Variants in ATP7B observed in about 807,000 individuals in gnomAD.
The protein encoded by ATP7B is ATPase copper transporting beta, also known as copper-transporting ATPase 2.
Under a neutral mutation model 118.9 loss-of-function variants are expected in ATP7B, and 113 were observed. The observed-to-expected ratio is 0.95, with a 90% CI of 0.82 to 1.11. The LOEUF is 1.11. ATP7B is among the 50% of genes most tolerant of loss of function. The probability of loss-of-function intolerance (pLI) is 0.00; values close to 1 mark genes in which losing one functional copy is unlikely to be tolerated. For synonymous variants in ATP7B, 777 were observed against 727.4 expected, an observed-to-expected ratio of 1.07 and a Z score of -1.10; for missense variants, 1,867 against 1,871.4, an observed-to-expected ratio of 1.00 and a Z score of 0.04.
At position 51,974,469 on chromosome 13, in the gene ATP7B, G is replaced by T; in HGVS notation, c.751C>A (p.His251Asn). 6.2e-7 allele frequency: 1 copy of T among 1,614,066 alleles called. No homozygotes were observed. The highest frequency in any genetic ancestry group is 8.5e-7 in the Non-Finnish European group (1 of 1,180,022). ...AGGGTGACCACATGGCTTCCTTGGT[G>T]CCCCAAGGTCTCAGAATTATTAAAA... ...QNFNNSETLGHQGSHVVTLQL... is the reference protein window; with the variant it reads ...QNFNNSETLGNQGSHVVTLQL... The change falls in exon 2 of 21, where the codon CAC (histidine) becomes AAC (asparagine). Residue 251 changes from histidine to asparagine, a missense_variant. Transcript: ENST00000242839.
In ATP7B at chr13:51,970,480, T is replaced by C; in HGVS notation, c.1543+12A>G. On this transcript the variant is annotated intron_variant, in intron 3 of 20. Coordinates refer to ENST00000242839, the MANE Select transcript of ATP7B (RefSeq NM_000053.4). ...AGCATTCCTAAGTTCAACATGGGCG[T>C]TCATCTCTTACCAGCTTCTTTCTGC... The C allele has an allele frequency of 1.2e-6, 2 of 1,614,198 alleles. No individual in the cohort carries two copies. Among genetic ancestry groups the C allele is most frequent in the Non-Finnish European group, 1.7e-6 (2 of 1,180,020 alleles).
In ATP7B at chr13:51,950,070, G is replaced by A. The variant is rs373539367; in HGVS notation, c.2667C>T (p.His889=). 10 of 1,614,052 alleles carry A rather than the reference G, an allele frequency of 6.2e-6. No individual in the cohort carries two copies. Among genetic ancestry groups the A allele is most frequent in the South Asian group, 3.3e-5 (3 of 91,080 alleles). Residue 889 remains histidine (H), a synonymous_variant, in exon 11 of 21, where the codon CAC becomes CAT. Transcript: ENST00000242839. ...GAGCCAAAGTGGTGTCATTGCCCAC[G>A]TGGGTAGCTTTAATGAGCACAGAGC... The part of the protein sequence containing the change: ...AHGSVLIKAT[H]VGNDTTLAQI...
At chr13:51,950,537 T>TC in intron 9 of ATP7B, 138 bp from the exon 10 acceptor site, 3 of 1,337,870 alleles carry the variant, frequency 2.2e-6, no homozygotes, top group South Asian at 1.2e-5. Flanking sequence ...CATTTACAGA[T>TC]ATTTATCGTG....
intron 14 of ATP7B, among the ~76,000 whole-genome samples, chr13:51,943,301 A>G (rs1957448622): frequency 6.6e-6 from 1 of 152,160 alleles, no homozygotes; most frequent in African/African-American, 2.4e-5. Flanking sequence ...CAGACCACAC[A>G]ACAAATAAAG....
At position 52,008,864 on chromosome 13, in the gene ATP7B, T is replaced by C. The variant is rs190965568; in HGVS notation, c.51+2423A>G. Among the ~76,000 whole-genome samples the C allele has an allele frequency of 1.8e-4, 26 of 141,806 alleles. 1 individual carries two copies. The highest frequency in any genetic ancestry group is 1.6e-3 in the Admixed American group (21 of 13,506). The allele number at this position is 141,806 out of a possible 152,430, so 93.0% of individuals were successfully genotyped here. A position where few individuals can be genotyped will look rare whatever the true frequency, so the allele number is the denominator to read the frequency against. ...TGTCAATCCCTATCTTATTCCCTTA[T>C]TCTGCTTTCTTTTCTTTTCTTTTTT... On this transcript the variant is annotated intron_variant, in intron 1 of 20. Transcript: ENST00000242839.
chr13:51,983,751 G>A (rs1354104372), intron 1 of ATP7B, among the ~76,000 whole-genome samples: 1 of 152,166 alleles, frequency 6.6e-6, no homozygotes, highest in East Asian at 1.9e-4. Flanking sequence ...GCCTCTGCTG[G>A]TGATACTCAG....
At chr13:51,980,594 T>C (rs1282192814) in intron 1 of ATP7B, among the ~76,000 whole-genome samples, 2 of 152,340 alleles carry the variant, frequency 1.3e-5, no homozygotes, top group Non-Finnish European at 2.9e-5. Flanking sequence ...GGGTGGCATG[T>C]TTTCATGAAG....
At chr13:51,998,479 T>C (rs973845282) in intron 1 of ATP7B, among the ~76,000 whole-genome samples, 1 of 152,236 alleles carries the variant, frequency 6.6e-6, no homozygotes, top group Non-Finnish European at 1.5e-5. Context: ...TATATACTGC[T>C]CAGAATGTGC....
Position 51,972,272 on chromosome 13 carries a change from T to G in ATP7B, c.1286-1523A>C, listed in dbSNP as rs564413691. ...CGAGGCCTCCAATGGCCTCCCCTAGTTAACCCGCGAAGATACGATTCAGAC... is the reference window on the plus strand; with the variant it reads ...CGAGGCCTCCAATGGCCTCCCCTAGGTAACCCGCGAAGATACGATTCAGAC... On this transcript the variant is annotated intron_variant, in intron 2 of 20. Transcript: ENST00000242839. Among the ~76,000 whole-genome samples, 210 of 152,272 alleles carry G rather than the reference T, an allele frequency of 1.4e-3. 1 individual carries two copies. The highest frequency in any genetic ancestry group is 6.8e-3 in the Middle Eastern group (2 of 294).
chr13:51,941,310 T>C lies in ATP7B; in HGVS notation c.3413-86A>G, dbSNP rs1004094312. Reference sequence around the variant, plus strand: ...ATGCAATCCTTTTAACAGCAAAATATCCTTTTAACCATTCTGAAAAACTGT... The same window carrying C: ...ATGCAATCCTTTTAACAGCAAAATACCCTTTTAACCATTCTGAAAAACTGT... On this transcript the variant is annotated intron_variant, in intron 15 of 20. Coordinates refer to ENST00000242839, the MANE Select transcript of ATP7B (RefSeq NM_000053.4). 8.5e-6 allele frequency: 13 copies of C among 1,526,418 alleles called. No individual in the cohort carries two copies. The Admixed American group carries it at 2.0e-4, about 24-fold the overall frequency. The allele number at this position is 1,526,418 out of a possible 1,614,324, so 94.6% of individuals were successfully genotyped here. A position where few individuals can be genotyped will look rare whatever the true frequency, so the allele number is the denominator to read the frequency against.
intron 4 of ATP7B, among the ~76,000 whole-genome samples, chr13:51,965,666 G>A: frequency 6.6e-6 from 1 of 152,182 alleles, no homozygotes; most frequent in East Asian, 1.9e-4. Flanking sequence ...AGGCAGGATA[G>A]CATGATGTAT....
At chr13:51,945,409 G>T (rs1215420808) in intron 13 of ATP7B, among the ~76,000 whole-genome samples, 1 of 152,140 alleles carries the variant, frequency 6.6e-6, no homozygotes, top group African/African-American at 2.4e-5. Context: ...GCGGGGAGGG[G>T]AAGTTCCACC....
At position 51,934,595 on chromosome 13, in the gene ATP7B, C is replaced by T; in HGVS notation, c.*161G>A. ...TCTCCAGGCCAAGCCCAGCTGCACC[C>T]AGACAAGGCCGCGTGCTGCAGGGCA... On this transcript the variant is annotated 3_prime_UTR_variant, in exon 21 of 21. Coordinates refer to ENST00000242839, the MANE Select transcript of ATP7B (RefSeq NM_000053.4). 8.1e-7 allele frequency: 1 copy of T among 1,227,700 alleles called. No individual in the cohort carries two copies. The highest frequency in any genetic ancestry group is 1.1e-6 in the Non-Finnish European group (1 of 877,120). 76.1% of individuals were successfully genotyped at this position (1,227,700 alleles called of 1,614,324 possible). A position where few individuals can be genotyped will look rare whatever the true frequency, so the allele number is the denominator to read the frequency against.
In ATP7B at chr13:51,942,393, T is replaced by C. The variant is rs373081328; in HGVS notation, c.3405A>G (p.Ala1135=). ...SHLNEAGSLP[A]EKDAVPQTFS... is the part of the protein sequence containing the mutation. The stretch of plus-strand genomic sequence containing the variant: ...GACAAAAGCCAGCAATACCTTTTTC[T>C]GCGGGAAGGCTGCCAGCCTCATTCA... Residue 1135 remains alanine, a synonymous_variant, in exon 15 of 21, where the codon GCA becomes GCG. Coordinates refer to ENST00000242839, the MANE Select transcript of ATP7B (RefSeq NM_000053.4). 5.8e-4 allele frequency: 930 copies of C among 1,614,164 alleles called. 1 individual carries two copies. The highest frequency in any genetic ancestry group is 3.3e-3 in the Admixed American group (198 of 60,026).
intron 6 of ATP7B, 47 bp downstream of exon 6, chr13:51,961,790 A>G: frequency 2.5e-6 from 4 of 1,572,570 alleles, no homozygotes; most frequent in Non-Finnish European, 3.5e-6. Flanking sequence ...CAGGTAGAGG[A>G]AGGGACTTAG....
chr13:51,979,614 G>T (rs1350451613), intron 1 of ATP7B, among the ~76,000 whole-genome samples: 1 of 152,038 alleles, frequency 6.6e-6, no homozygotes, highest in Non-Finnish European at 1.5e-5. Context: ...GATATTCAAA[G>T]ACATTCATTT....
intron 13 of ATP7B, among the ~76,000 whole-genome samples, chr13:51,945,131 T>A (rs193114548): frequency 6.6e-6 from 1 of 152,308 alleles, no homozygotes; most frequent in East Asian, 1.9e-4. Flanking sequence ...TCTTGCCAGC[T>A]TTCAGCGCAA....
At chr13:51,960,832 T>G (rs1178458152) in intron 6 of ATP7B, among the ~76,000 whole-genome samples, 3 of 152,144 alleles carry the variant, frequency 2.0e-5, no homozygotes, top group Admixed American at 6.5e-5. Flanking sequence ...ACACCATAGT[T>G]TGGAATCGGG....
At chr13:51,958,591 T>A in intron 7 of ATP7B, 47 bp from the exon 8 acceptor site, 1 of 1,555,732 alleles carries the variant, frequency 6.4e-7, no homozygotes, top group Non-Finnish European at 8.9e-7. Context: ...GGGAGGAGAG[T>A]TCAATGAGCG....
Sources: allele counts gnomAD v4.1 joint callset (sites outside exome capture counted in the v4.1 genomes callset), GRCh38; gene constraint gnomAD v4.1.1; transcripts MANE v1.5; gene names NCBI Gene and HGNC (gene_info 2026-07-23, HGNC 2026-07-21).